Variants in TMEM132D observed in about 807,000 individuals in gnomAD.
TMEM132D encodes mature OL transmembrane protein.
In TMEM132D, 21 loss-of-function variants were observed where a neutral mutation model predicts 62.3. That is an observed-to-expected ratio of 0.34 (90% CI 0.24 to 0.49). The LOEUF (loss-of-function observed/expected upper bound fraction) is 0.49. TMEM132D is among the 20% of genes least tolerant of loss of function. TMEM132D has a pLI of 0.99. For synonymous variants in TMEM132D, 621 were observed against 575.6 expected, an observed-to-expected ratio of 1.08 and a Z score of -1.13; for missense variants, 1,346 against 1,402.8, an observed-to-expected ratio of 0.96 and a Z score of 0.65.
intron 1 of TMEM132D, among the ~76,000 whole-genome samples, chr12:129,705,635 A>T (rs1881489373): frequency 6.6e-6 from 1 of 152,196 alleles, no homozygotes; most frequent in Non-Finnish European, 1.5e-5. Flanking sequence ...TGAAAAGAAC[A>T]CTGAAGCTTA....
intron 1 of TMEM132D, among the ~76,000 whole-genome samples, chr12:129,720,651 C>T (rs973242754): frequency 6.6e-6 from 1 of 152,204 alleles, no homozygotes; most frequent in African/African-American, 2.4e-5. Flanking sequence ...GCAGATGTAC[C>T]TCCTACATTA....
intron 3 of TMEM132D, among the ~76,000 whole-genome samples, chr12:129,398,681 T>C (rs7299016): frequency 0.042 from 6,407 of 152,246 alleles, 424 homozygotes; most frequent in African/African-American, 0.14. Flanking sequence ...CTGGGGAAGA[T>C]TGGATGTCCA....
intron 2 of TMEM132D, among the ~76,000 whole-genome samples, chr12:129,612,802 G>T (rs1465138546): frequency 6.6e-6 from 1 of 152,136 alleles, no homozygotes; most frequent in Non-Finnish European, 1.5e-5. Flanking sequence ...GGAAGGCAGA[G>T]GTTGCAGTGA....
intron 1 of TMEM132D, among the ~76,000 whole-genome samples, chr12:129,896,284 G>C (rs1875127063): frequency 6.6e-6 from 1 of 152,064 alleles, no homozygotes; most frequent in Admixed American, 6.6e-5. Flanking sequence ...CATCATGCTT[G>C]GCCTTGACTT....
chr12:129,822,321 G>A (rs1316215878), intron 1 of TMEM132D, among the ~76,000 whole-genome samples: 1 of 152,100 alleles, frequency 6.6e-6, no homozygotes, highest in Non-Finnish European at 1.5e-5. Context: ...CTCAGCATAT[G>A]GTTGCACAAA....
intron 3 of TMEM132D, among the ~76,000 whole-genome samples, chr12:129,507,836 CTG>C (rs1050939089): frequency 6.6e-6 from 1 of 152,168 alleles, no homozygotes; most frequent in African/African-American, 2.4e-5. Flanking sequence ...CAAACACCAC[CTG>C]TTCCCCAATA....
intron 1 of TMEM132D, among the ~76,000 whole-genome samples, chr12:129,777,117 C>T (rs955458918): frequency 4.6e-5 from 7 of 152,166 alleles, no homozygotes; most frequent in Non-Finnish European, 8.8e-5. Context: ...GGGCAAAGTG[C>T]CACTTGTGAT....
intron 3 of TMEM132D, among the ~76,000 whole-genome samples, chr12:129,416,377 G>T (rs1872120781): frequency 6.6e-6 from 1 of 152,216 alleles, no homozygotes; most frequent in African/African-American, 2.4e-5. Flanking sequence ...ATATAGGAAT[G>T]CTTGTGATTT....
intron 5 of TMEM132D, among the ~76,000 whole-genome samples, chr12:129,187,279 C>T (rs1276085559): frequency 2.6e-5 from 4 of 152,216 alleles, no homozygotes; most frequent in Admixed American, 2.6e-4. Context: ...GGTAAATCAA[C>T]TCCAATTGTG....
intron 1 of TMEM132D, among the ~76,000 whole-genome samples, chr12:129,889,557 C>T (rs1157769356): frequency 6.6e-6 from 1 of 152,192 alleles, no homozygotes. Flanking sequence ...TTCCTCTTCA[C>T]CTGCTACTAA....
chr12:129,514,121 G>C lies in TMEM132D; in HGVS notation c.1115+16938C>G, dbSNP rs573016942. Reference sequence around the variant, plus strand: ...CCCAAAGTGCTGGGATTACAGGCGTGAGCCACCGAGCCCGGCCAATGGGGA... The same window carrying C: ...CCCAAAGTGCTGGGATTACAGGCGTCAGCCACCGAGCCCGGCCAATGGGGA... On this transcript the variant is annotated intron_variant, in intron 3 of 8. Transcript: ENST00000422113. 9.2e-5 allele frequency among the ~76,000 whole-genome samples: 14 copies of C among 152,082 alleles called. No homozygotes were observed. The East Asian group carries it at 1.4e-3, about 15-fold the overall frequency.
intron 2 of TMEM132D, among the ~76,000 whole-genome samples, chr12:129,548,777 G>A (rs901214837): frequency 5.3e-5 from 8 of 152,318 alleles, no homozygotes; most frequent in African/African-American, 1.2e-4. Context: ...GTGTTGGACT[G>A]GCCAAGAAGA....
Position 129,867,400 on chromosome 12 carries a change from T to G in TMEM132D, c.79+35861A>C, listed in dbSNP as rs1164144547. On this transcript the variant is annotated intron_variant, in intron 1 of 8. Transcript: ENST00000422113. The surrounding 1 kb of genome is among the most constrained non-coding windows in gnomAD (Gnocchi z 4.5). Reference sequence around the variant, plus strand: ...CATGCAGAATCTAAAAAAGCTAAACTCAGAGGAGCAGAGTAAAATGGTAGT... The same window carrying G: ...CATGCAGAATCTAAAAAAGCTAAACGCAGAGGAGCAGAGTAAAATGGTAGT... 6.6e-6 allele frequency among the ~76,000 whole-genome samples: 1 copy of G among 152,040 alleles called. No individual in the cohort carries two copies. Among genetic ancestry groups the G allele is most frequent in the African/African-American group, 2.4e-5 (1 of 41,380 alleles).
At chr12:129,079,062 T>C (rs1874370114) in intron 7 of TMEM132D, among the ~76,000 whole-genome samples, 1 of 152,256 alleles carries the variant, frequency 6.6e-6, no homozygotes, top group Non-Finnish European at 1.5e-5. Context: ...TTTATGATTC[T>C]TCTACAGCAC....
intron 4 of TMEM132D, among the ~76,000 whole-genome samples, chr12:129,286,393 T>TG (rs1881297462): frequency 6.6e-6 from 1 of 152,228 alleles, no homozygotes; most frequent in African/African-American, 2.4e-5. Context: ...TGGGCATGGG[T>TG]AGTCTACTGG....
At chr12:129,865,696 T>C (rs1343624483) in intron 1 of TMEM132D, among the ~76,000 whole-genome samples, 1 of 152,232 alleles carries the variant, frequency 6.6e-6, no homozygotes, top group Non-Finnish European at 1.5e-5. Flanking sequence ...ACTGAACGCA[T>C]CGCAACTGAT....
intron 1 of TMEM132D, among the ~76,000 whole-genome samples, chr12:129,701,625 G>A (rs1881388004): frequency 6.6e-6 from 1 of 152,206 alleles, no homozygotes; most frequent in Non-Finnish European, 1.5e-5. Flanking sequence ...AATCCAAAAT[G>A]TTATTTTCAC....
chr12:129,463,480 TA>T (rs1873758213), intron 3 of TMEM132D, among the ~76,000 whole-genome samples: 1 of 149,852 alleles, frequency 6.7e-6, no homozygotes, highest in Admixed American at 6.7e-5. Flanking sequence ...GTATTATTAT[TA>T]TTATTATTAT....
At chr12:129,430,723 C>T (rs914487293) in intron 3 of TMEM132D, among the ~76,000 whole-genome samples, 3 of 152,190 alleles carry the variant, frequency 2.0e-5, no homozygotes, top group African/African-American at 7.2e-5. Context: ...TGACATCAGG[C>T]AGATACATAA....
Sources: allele counts gnomAD v4.1 joint callset (sites outside exome capture counted in the v4.1 genomes callset), GRCh38; gene constraint gnomAD v4.1.1; non-coding constraint Gnocchi (gnomAD v3.1); transcripts MANE v1.5; gene names NCBI Gene and HGNC (gene_info 2026-07-23, HGNC 2026-07-21).